The following KLRG1 variants were observed in gnomAD, a reference collection of about 807,000 sequenced individuals.
The protein encoded by KLRG1 is killer cell lectin like receptor G1.
Under a neutral mutation model 21.8 loss-of-function variants are expected in KLRG1, and 16 were observed. That is an observed-to-expected ratio of 0.73 (90% CI 0.50 to 1.11). KLRG1 has a LOEUF of 1.11. Among genes scored for constraint, KLRG1 ranks in the 50% most tolerant of loss-of-function variants. The pLI is 0.00. For missense variants in KLRG1, 173 were observed against 218.3 expected, an observed-to-expected ratio of 0.79 and a Z score of 1.31; for synonymous variants, 69 against 75.9, an observed-to-expected ratio of 0.91 and a Z score of 0.47.
intron 1 of KLRG1, among the ~76,000 whole-genome samples, chr12:8,984,539 C>T (rs1946811129): frequency 6.6e-6 from 1 of 152,176 alleles, no homozygotes. Context: ...AGCTGTGAGC[C>T]ACCGTGCCTG....
At chr12:9,100,670 T>C in the KLRG1 span, among the ~76,000 whole-genome samples, 1 of 152,232 alleles carries the variant, frequency 6.6e-6, no homozygotes, top group African/African-American at 2.4e-5. Context: ...CATTATTGTT[T>C]TCCCTCCCTC....
At chr12:9,113,685 G>A in the KLRG1 span, 1 of 761,332 alleles carries the variant, frequency 1.3e-6, no homozygotes, top group Non-Finnish European at 2.1e-6. Flanking sequence ...TTTGGCCGTT[G>A]AAGGCCATGC....
At chr12:9,212,675 A>C in the KLRG1 span, among the ~76,000 whole-genome samples, 1 of 152,258 alleles carries the variant, frequency 6.6e-6, no homozygotes, top group African/African-American at 2.4e-5. Flanking sequence ...AGAAAATCTG[A>C]ATGAATGTGC....
At chr12:9,054,912 T>G in the KLRG1 span, among the ~76,000 whole-genome samples, 1 of 152,204 alleles carries the variant, frequency 6.6e-6, no homozygotes, top group African/African-American at 2.4e-5. Flanking sequence ...AGTTTTTGGA[T>G]TAGGGATACT....
intron 3 of KLRG1, among the ~76,000 whole-genome samples, chr12:8,995,764 C>G (rs757263648): frequency 1.2e-4 from 18 of 151,652 alleles, no homozygotes; most frequent in Admixed American, 3.3e-4. Flanking sequence ...CTCACTCCAA[C>G]CTCCGCCTCC....
chr12:9,005,912 G>A (rs1225812963), intron 3 of KLRG1, among the ~76,000 whole-genome samples: 17 of 152,316 alleles, frequency 1.1e-4, no homozygotes, highest in African/African-American at 3.6e-4. Flanking sequence ...GAACTCAGGC[G>A]GTAATGCTGG....
chr12:9,074,802 A>G, the KLRG1 span: 10 of 1,585,402 alleles, frequency 6.3e-6, no homozygotes, highest in Admixed American at 1.3e-4. Context: ...TGAGAAAAAG[A>G]TATTTATAAG....
chr12:9,157,700 AG>A, the KLRG1 span: 1 of 1,392,360 alleles, frequency 7.2e-7, no homozygotes, highest in South Asian at 1.2e-5. Flanking sequence ...AACCCTTAGC[AG>A]GGTGGCATTC....
the KLRG1 span, chr12:9,154,718 C>T: frequency 8.1e-6 from 13 of 1,613,912 alleles, no homozygotes; most frequent in African/African-American, 2.7e-5. Context: ...CTGGCTGGGC[C>T]GTGAGATAAG....
At chr12:8,993,509 C>T (rs1224536401) in intron 2 of KLRG1, among the ~76,000 whole-genome samples, 1 of 151,876 alleles carries the variant, frequency 6.6e-6, no homozygotes. Flanking sequence ...AGGCTGGTCT[C>T]GAACTCCTGA....
chr12:9,065,587 A>G, the KLRG1 span, among the ~76,000 whole-genome samples: 2 of 152,184 alleles, frequency 1.3e-5, no homozygotes, highest in African/African-American at 4.8e-5. Context: ...GGGTCTGAAG[A>G]CAGCTGGACA....
At chr12:8,963,855 T>G (rs1269217107) in intron 1 of KLRG1, among the ~76,000 whole-genome samples, 1 of 152,232 alleles carries the variant, frequency 6.6e-6, no homozygotes, top group East Asian at 1.9e-4. Context: ...GATGGTAGTT[T>G]GTATTTCTGT....
the KLRG1 span, among the ~76,000 whole-genome samples, chr12:9,143,965 G>A: frequency 1.3e-5 from 2 of 152,210 alleles, no homozygotes; most frequent in African/African-American, 4.8e-5. Context: ...ATTAAGCTGA[G>A]AAGAAACTGG....
At chr12:9,189,938 T>C in the KLRG1 span, among the ~76,000 whole-genome samples, 1 of 152,020 alleles carries the variant, frequency 6.6e-6, no homozygotes, top group East Asian at 1.9e-4. Flanking sequence ...AAAACCACAA[T>C]GAGATTATCA....
the KLRG1 span, chr12:9,101,171 G>A: frequency 4.5e-6 from 7 of 1,561,776 alleles, no homozygotes; most frequent in Non-Finnish European, 6.1e-6. Flanking sequence ...AGCAGTCCAT[G>A]AGTCCCAGTT....
At chr12:9,165,243 A>T in the KLRG1 span, 1 of 1,614,204 alleles carries the variant, frequency 6.2e-7, no homozygotes, top group Non-Finnish European at 8.5e-7. Flanking sequence ...AAGGGCTGGA[A>T]GGCTCGGAGA....
chr12:9,154,701 G>A, the KLRG1 span: 24 of 1,614,192 alleles, frequency 1.5e-5, no homozygotes, highest in Middle Eastern at 4.9e-4. Context: ...GTCCCCTGAG[G>A]TGGGGGCTGG....
the KLRG1 span, chr12:9,163,773 T>C: frequency 6.2e-7 from 1 of 1,611,860 alleles, no homozygotes; most frequent in Non-Finnish European, 8.5e-7. Flanking sequence ...CTGCACTCAC[T>C]GAGAAGTTCA....
the KLRG1 span, among the ~76,000 whole-genome samples, chr12:9,017,053 C>T: frequency 1.3e-5 from 2 of 151,882 alleles, no homozygotes; most frequent in South Asian, 4.2e-4. Flanking sequence ...ATCGCAAGGT[C>T]AGGAGTTCAA....
Sources: gnomAD v4.1 joint callset for allele counts (sites outside exome capture counted in the v4.1 genomes callset) on GRCh38, gnomAD v4.1.1 for gene constraint, MANE v1.5 for transcripts, NCBI Gene and HGNC (gene_info 2026-07-23, HGNC 2026-07-21) for gene names.